PHYHIPL: variants seen among roughly 807,000 people sequenced by gnomAD.
PHYHIPL encodes the protein phytanoyl-CoA 2-hydroxylase interacting protein like, also known as phytanoyl-CoA hydroxylase-interacting protein-like.
In PHYHIPL, 9 loss-of-function variants were observed where a neutral mutation model predicts 33.4. The observed-to-expected ratio is 0.27, with a 90% CI of 0.16 to 0.47. The LOEUF is 0.47. PHYHIPL is among the 20% of genes least tolerant of loss of function. The probability of loss-of-function intolerance (pLI) is 0.99; values close to 1 mark genes in which losing one functional copy is unlikely to be tolerated. For synonymous variants in PHYHIPL, 153 were observed against 154.1 expected, an observed-to-expected ratio of 0.99 and a Z score of 0.05; for missense variants, 365 against 460.7, an observed-to-expected ratio of 0.79 and a Z score of 1.90.
At chr10:59,242,616 GAT>G (rs1408392133) in intron 4 of PHYHIPL, among the ~76,000 whole-genome samples, 5 of 151,994 alleles carry the variant, frequency 3.3e-5, no homozygotes, top group African/African-American at 1.2e-4. Context: ...ATCTGACAAA[GAT>G]ATTTAAGCAG....
chr10:59,205,699 C>A (rs1446796704), intron 1 of PHYHIPL, among the ~76,000 whole-genome samples: 1 of 151,934 alleles, frequency 6.6e-6, no homozygotes, highest in South Asian at 2.1e-4. Flanking sequence ...AGTATGTGGG[C>A]CGGAGTACAC....
chr10:59,230,923 T>G (rs901821624), intron 1 of PHYHIPL, among the ~76,000 whole-genome samples: 4 of 152,170 alleles, frequency 2.6e-5, no homozygotes, highest in Admixed American at 6.5e-5. Context: ...ACTAAGGGGT[T>G]GTGGAGACCA....
chr10:59,215,181 A>G (rs1839578713), intron 1 of PHYHIPL, among the ~76,000 whole-genome samples: 2 of 152,100 alleles, frequency 1.3e-5, no homozygotes, highest in African/African-American at 2.4e-5. Context: ...ATTTACCCAT[A>G]TAATGTGATG....
intron 1 of PHYHIPL, chr10:59,221,753 T>G: frequency 1.7e-5 from 15 of 879,758 alleles, no homozygotes; most frequent in Non-Finnish European, 2.0e-5. Flanking sequence ...CTCAAATCTC[T>G]AAAATCCCTG....
At chr10:59,222,732 A>AT (rs1839813855) in intron 1 of PHYHIPL, among the ~76,000 whole-genome samples, 1 of 358 alleles carries the variant, frequency 2.8e-3, no homozygotes, top group Non-Finnish European at 5.6e-3. Flanking sequence ...GGGTTTCAAA[A>AT]GAAAAAAATT....
intron 1 of PHYHIPL, among the ~76,000 whole-genome samples, chr10:59,179,214 C>T (rs1248258980): frequency 6.6e-6 from 1 of 151,006 alleles, no homozygotes; most frequent in Non-Finnish European, 1.5e-5. Flanking sequence ...ATTTGTCAAA[C>T]AGACCTTACT....
chr10:59,196,464 G>A (rs1467595252), intron 1 of PHYHIPL, among the ~76,000 whole-genome samples: 1 of 148,104 alleles, frequency 6.8e-6, no homozygotes, highest in African/African-American at 2.5e-5. Context: ...GCCCAGGCTG[G>A]AGTGCAGTGG....
At chr10:59,219,242 C>T (rs962424272) in intron 1 of PHYHIPL, 2 of 936,126 alleles carry the variant, frequency 2.1e-6, no homozygotes, top group Non-Finnish European at 1.3e-6. Context: ...AAGTAGGAAG[C>T]CAAAGAAGTA....
At chr10:59,179,107 A>G (rs1043623034) in intron 1 of PHYHIPL, among the ~76,000 whole-genome samples, 4 of 152,176 alleles carry the variant, frequency 2.6e-5, no homozygotes, top group Non-Finnish European at 2.9e-5. Context: ...TTACATGTCA[A>G]TTCCAAAAAT....
At chr10:59,182,945 C>T (rs1308027579) in intron 1 of PHYHIPL, among the ~76,000 whole-genome samples, 1 of 152,152 alleles carries the variant, frequency 6.6e-6, no homozygotes, top group Non-Finnish European at 1.5e-5. Flanking sequence ...AATTTTTAAA[C>T]ATCCTGATGA....
At chr10:59,238,743 A>G (rs1444313726) in intron 4 of PHYHIPL, 38 bp downstream of exon 4, 2 of 1,335,056 alleles carry the variant, frequency 1.5e-6, no homozygotes, top group South Asian at 2.5e-5. Flanking sequence ...GTTTTACTAA[A>G]TATAGTTTCA....
chr10:59,215,438 G>A, intron 1 of PHYHIPL, among the ~76,000 whole-genome samples: 1 of 152,000 alleles, frequency 6.6e-6, no homozygotes, highest in East Asian at 1.9e-4. Flanking sequence ...AAACATAGAA[G>A]TAATGTCCTA....
chr10:59,191,987 G>T (rs1300718469), intron 1 of PHYHIPL, among the ~76,000 whole-genome samples: 2 of 152,024 alleles, frequency 1.3e-5, no homozygotes, highest in African/African-American at 2.4e-5. Context: ...TTGAACCAGA[G>T]CCTTACCTAC....
chr10:59,222,253 A>C (rs1016633309), intron 1 of PHYHIPL, among the ~76,000 whole-genome samples: 5 of 152,034 alleles, frequency 3.3e-5, no homozygotes, highest in Non-Finnish European at 5.9e-5. Context: ...GTTATTGGGG[A>C]ACTTTGCTTT....
At chr10:59,209,745 A>T (rs921051142) in intron 1 of PHYHIPL, among the ~76,000 whole-genome samples, 1 of 152,300 alleles carries the variant, frequency 6.6e-6, no homozygotes, top group Middle Eastern at 3.4e-3. Flanking sequence ...AACAGAACAG[A>T]TGCCTCAGAA....
intron 1 of PHYHIPL, among the ~76,000 whole-genome samples, chr10:59,203,448 C>G (rs1483766082): frequency 1.3e-5 from 2 of 152,256 alleles, no homozygotes; most frequent in Non-Finnish European, 2.9e-5. Context: ...AATCATGCTA[C>G]TTTAAAGACA....
At position 59,242,849 on chromosome 10, in the gene PHYHIPL, C is replaced by T. The variant is rs1031956027; in HGVS notation, c.597-2208C>T. Among the ~76,000 whole-genome samples the T allele has an allele frequency of 3.9e-5, 6 of 152,050 alleles. No individual in the cohort carries two copies. The East Asian group carries it at 7.7e-4, about 20-fold the overall frequency. On this transcript the variant is annotated intron_variant, in intron 4 of 4. Transcript: ENST00000373880. ...AAACTTGAAGATAGAATAGAAATTA[C>T]GCAAATTGAACAACAGAGATAAAAC...
intron 1 of PHYHIPL, among the ~76,000 whole-genome samples, chr10:59,226,350 G>A (rs1839922280): frequency 6.6e-6 from 1 of 152,066 alleles, no homozygotes; most frequent in African/African-American, 2.4e-5. Context: ...ACAGATACTG[G>A]TGGTTCCCAA....
chr10:59,212,499 CA>C (rs1310323499), intron 1 of PHYHIPL, among the ~76,000 whole-genome samples: 1 of 152,168 alleles, frequency 6.6e-6, no homozygotes, highest in Non-Finnish European at 1.5e-5. Context: ...ATACTTCAAC[CA>C]CTCCTAGGTG....
Sources: gnomAD v4.1 joint callset for allele counts (sites outside exome capture counted in the v4.1 genomes callset) on GRCh38, gnomAD v4.1.1 for gene constraint, MANE v1.5 for transcripts, NCBI Gene and HGNC (gene_info 2026-07-23, HGNC 2026-07-21) for gene names.